The following PTPN11 variants were observed in gnomAD, a reference collection of about 807,000 sequenced individuals.
PTPN11 encodes protein tyrosine phosphatase non-receptor type 11, also known as tyrosine-protein phosphatase non-receptor type 11.
Under a neutral mutation model 78.8 loss-of-function variants are expected in PTPN11, and 6 were observed. That is an observed-to-expected ratio of 0.08 (90% confidence interval 0.04 to 0.15). PTPN11 has a LOEUF of 0.15. Among genes scored for constraint, PTPN11 ranks in the 10% least tolerant of loss-of-function variants. The pLI is 1.00. For synonymous variants in PTPN11, 221 were observed against 263.5 expected (o/e 0.84, Z 1.56); for missense variants, 386 against 744.8 (o/e 0.52, Z 5.61).
At chr12:112,501,226 C>T (rs1183712942) in intron 13 of PTPN11, among the ~76,000 whole-genome samples, 2 of 152,200 alleles carry the variant, frequency 1.3e-5, no homozygotes, top group African/African-American at 4.8e-5. Flanking sequence ...AACTAGATGT[C>T]CTACCAAATA....
Position 112,418,964 on chromosome 12 carries a change from G to A in PTPN11, c.-148G>A. 1 of 948,062 alleles carries A rather than the reference G, an allele frequency of 1.1e-6. No individual in the cohort carries two copies. The highest frequency in any genetic ancestry group is 1.4e-5 in the South Asian group (1 of 69,922). 58.7% of individuals were successfully genotyped at this position (948,062 alleles called of 1,614,324 possible). A position where few individuals can be genotyped will look rare whatever the true frequency, so the allele number is the denominator to read the frequency against. Reference sequence around the variant, plus strand: ...AGCTGCACAGTCTCCGGGATCCCCAGGCCTGGAGGGGGGTCTGTGCGCGGC... The same window carrying A: ...AGCTGCACAGTCTCCGGGATCCCCAAGCCTGGAGGGGGGTCTGTGCGCGGC... On this transcript the variant is annotated 5_prime_UTR_variant, in exon 1 of 16. Transcript: ENST00000351677.
At chr12:112,498,754 A>G (rs554756585) in intron 13 of PTPN11, among the ~76,000 whole-genome samples, 2 of 152,364 alleles carry the variant, frequency 1.3e-5, no homozygotes, top group African/African-American at 4.8e-5. Context: ...AACACAAATC[A>G]AAACAAAACA....
intron 13 of PTPN11, among the ~76,000 whole-genome samples, chr12:112,499,542 G>A (rs1220066483): frequency 6.6e-6 from 1 of 152,050 alleles, no homozygotes; most frequent in African/African-American, 2.4e-5. Context: ...GTGTCACCAT[G>A]TTGGCCAGGT....
rs886048964 is a variant in PTPN11, at chr12:112,418,973, G to T, written c.-139G>T. ...GTCTCCGGGATCCCCAGGCCTGGAGGGGGGTCTGTGCGCGGCCGGCTGGCT... is the reference window on the plus strand; with the variant it reads ...GTCTCCGGGATCCCCAGGCCTGGAGTGGGGTCTGTGCGCGGCCGGCTGGCT... On this transcript the variant is annotated 5_prime_UTR_variant, in exon 1 of 16. Transcript: ENST00000351677. 38 of 1,032,448 alleles carry T rather than the reference G, an allele frequency of 3.7e-5. 1 individual carries two copies. Among genetic ancestry groups the T allele is most frequent in the South Asian group, 2.1e-4 (15 of 71,966 alleles). 64.0% of individuals were successfully genotyped at this position (1,032,448 alleles called of 1,614,324 possible). A position where few individuals can be genotyped will look rare whatever the true frequency, so the allele number is the denominator to read the frequency against.
intron 6 of PTPN11, chr12:112,457,390 GC>G (rs1368142359): frequency 4.5e-6 from 1 of 222,706 alleles, no homozygotes; most frequent in African/African-American, 2.4e-5. Context: ...GTGTGTATGT[GC>G]CACATTTTCT....
At chr12:112,472,115 C>A (rs1199189313) in intron 6 of PTPN11, among the ~76,000 whole-genome samples, 1 of 152,098 alleles carries the variant, frequency 6.6e-6, no homozygotes, top group East Asian at 1.9e-4. Context: ...TGAGCCATTG[C>A]ACCTGGCCTT....
chr12:112,483,619 C>T (rs2038630479), intron 10 of PTPN11, among the ~76,000 whole-genome samples: 1 of 152,176 alleles, frequency 6.6e-6, no homozygotes, highest in Non-Finnish European at 1.5e-5. Context: ...GATTCCCCTC[C>T]ACCCTGTAGA....
chr12:112,507,833 C>G lies in PTPN11; in HGVS notation c.*2041C>G, dbSNP rs1282597231. Reference sequence around the variant, plus strand: ...GTATATCAGCCCCCACCTCCACCCCCCAATATTCCTTGAACTTTGAATTGC... The same window carrying G: ...GTATATCAGCCCCCACCTCCACCCCGCAATATTCCTTGAACTTTGAATTGC... On this transcript the variant is annotated 3_prime_UTR_variant, in exon 16 of 16. Transcript: ENST00000351677. 1.3e-5 allele frequency: 2 copies of G among 152,674 alleles called. No homozygotes were observed. Among genetic ancestry groups the G allele is most frequent in the African/African-American group, 2.4e-5 (1 of 41,442 alleles). The allele number at this position is 152,674 out of a possible 1,614,324, so 9.5% of individuals were successfully genotyped here. A position where few individuals can be genotyped will look rare whatever the true frequency, so the allele number is the denominator to read the frequency against.
At chr12:112,467,014 G>C (rs777960073) in intron 6 of PTPN11, among the ~76,000 whole-genome samples, 1 of 152,120 alleles carries the variant, frequency 6.6e-6, no homozygotes, top group Non-Finnish European at 1.5e-5. Context: ...TTTGGTCATT[G>C]CAGTCACTGG....
intron 1 of PTPN11, among the ~76,000 whole-genome samples, chr12:112,436,147 A>C (rs1400237368): frequency 6.6e-6 from 1 of 152,222 alleles, no homozygotes; most frequent in East Asian, 1.9e-4. Flanking sequence ...AGGTGGTACC[A>C]ATATCGGGCT....
chr12:112,496,465 G>A (rs1344131121), intron 13 of PTPN11, among the ~76,000 whole-genome samples: 1 of 152,232 alleles, frequency 6.6e-6, no homozygotes, highest in Non-Finnish European at 1.5e-5. Context: ...CCTCTCAGCA[G>A]ATAGAGCTAG....
Position 112,504,812 on chromosome 12 carries a change from T to C in PTPN11, c.*32+16T>C. The C allele has an allele frequency of 2.1e-6, 3 of 1,411,274 alleles. No individual in the cohort carries two copies. The highest frequency in any genetic ancestry group is 3.0e-6 in the Non-Finnish European group (3 of 998,076). 87.4% of individuals were successfully genotyped at this position (1,411,274 alleles called of 1,614,324 possible). A position where few individuals can be genotyped will look rare whatever the true frequency, so the allele number is the denominator to read the frequency against. On this transcript the variant is annotated intron_variant, in intron 15 of 15. Transcript: ENST00000351677. This position sits in a 1 kb window ranked among gnomAD's most constrained non-coding sequence, Gnocchi z 4.7. Reference sequence around the variant, plus strand: ...ACAGAAATAGGTATTTAAATGCAAGTGCTCTATTGGTTAATTGTTTATATA... The same window carrying C: ...ACAGAAATAGGTATTTAAATGCAAGCGCTCTATTGGTTAATTGTTTATATA...
At chr12:112,468,698 A>G (rs1476850610) in intron 6 of PTPN11, among the ~76,000 whole-genome samples, 1 of 152,168 alleles carries the variant, frequency 6.6e-6, no homozygotes, top group Non-Finnish European at 1.5e-5. Flanking sequence ...TGGACCCAGC[A>G]GCCATCTTGA....
At chr12:112,488,834 G>A (rs2038711207) in intron 12 of PTPN11, among the ~76,000 whole-genome samples, 190 bp from the exon 13 acceptor site, 1 of 152,172 alleles carries the variant, frequency 6.6e-6, no homozygotes, top group Non-Finnish European at 1.5e-5. Flanking sequence ...CTGCCACTTC[G>A]TTATTTATGT....
chr12:112,504,671 T>C lies in PTPN11; in HGVS notation c.1713-24T>C, dbSNP rs1435460781. On this transcript the variant is annotated intron_variant, in intron 14 of 15. Coordinates refer to ENST00000351677, the MANE Select transcript of PTPN11 (RefSeq NM_002834.5). This position sits in a 1 kb window ranked among gnomAD's most constrained non-coding sequence, Gnocchi z 4.7. ...AGCGTGGTCTACATTTTTGTAAATG[T>C]CTTTCTTTTTCTTTTCTCTCCAGAA... 1 of 1,521,400 alleles carries C rather than the reference T, an allele frequency of 6.6e-7. No individual in the cohort carries two copies. The highest frequency in any genetic ancestry group is 1.1e-5 in the South Asian group (1 of 88,444). 94.2% of individuals were successfully genotyped at this position (1,521,400 alleles called of 1,614,324 possible).
At chr12:112,461,132 T>G in intron 6 of PTPN11, among the ~76,000 whole-genome samples, 1 of 152,120 alleles carries the variant, frequency 6.6e-6, no homozygotes, top group Non-Finnish European at 1.5e-5. Flanking sequence ...CAGGAGGTGT[T>G]TATGTCCTGT....
At chr12:112,460,363 T>G (rs955088303) in intron 6 of PTPN11, among the ~76,000 whole-genome samples, 4 of 152,248 alleles carry the variant, frequency 2.6e-5, no homozygotes, top group African/African-American at 9.6e-5. Context: ...CTTTATCAAT[T>G]ATCCCTGTCA....
intron 2 of PTPN11, among the ~76,000 whole-genome samples, chr12:112,448,872 T>G (rs1188116048): frequency 1.3e-5 from 2 of 152,074 alleles, no homozygotes; most frequent in Non-Finnish European, 2.9e-5. Context: ...TAAAATTACA[T>G]GTGTCTTTTT....
At chr12:112,419,165 G>C (rs2037475679) in intron 1 of PTPN11, 40 bp downstream of exon 1, 1 of 1,483,640 alleles carries the variant, frequency 6.7e-7, no homozygotes, top group Non-Finnish European at 8.9e-7. Context: ...CCTCGGCCCG[G>C]CCACCGCCGC....
Sources: allele counts gnomAD v4.1 joint callset (sites outside exome capture counted in the v4.1 genomes callset), GRCh38; gene constraint gnomAD v4.1.1; non-coding constraint Gnocchi (gnomAD v3.1); transcripts MANE v1.5; gene names NCBI Gene and HGNC (gene_info 2026-07-23, HGNC 2026-07-21).